MICALL1: variants seen among roughly 807,000 people sequenced by gnomAD.
MICALL1 encodes MICAL-like protein 1.
MICALL1 carries 61 observed loss-of-function variants against 83.7 expected under a neutral mutation model. That is an observed-to-expected ratio of 0.73 (90% CI 0.59 to 0.90). MICALL1 has a LOEUF of 0.90. Ranked by LOEUF, MICALL1 falls within the 40% of genes least tolerant of loss-of-function variation. The pLI is 0.00. For missense variants in MICALL1, 1,066 were observed against 1,152.0 expected, an observed-to-expected ratio of 0.93 and a Z score of 1.08; for synonymous variants, 481 against 473.6, an observed-to-expected ratio of 1.02 and a Z score of -0.20.
At chr22:37,935,452 G>A (rs1214286945) in intron 13 of MICALL1, among the ~76,000 whole-genome samples, 1 of 146,152 alleles carries the variant, frequency 6.8e-6, no homozygotes, top group Admixed American at 6.9e-5. Context: ...GTAGAGACAA[G>A]GTTTCATCGT....
Position 37,937,146 on chromosome 22 carries a change from T to C in MICALL1, c.2375T>C (p.Ile792Thr), listed in dbSNP as rs1340195277. 6 of 1,551,452 alleles carry C rather than the reference T, an allele frequency of 3.9e-6. No individual in the cohort carries two copies. Among genetic ancestry groups the C allele is most frequent in the South Asian group, 1.2e-5 (1 of 84,066 alleles). Reference sequence around the variant, plus strand: ...CTGATGCAGGAGCTTGTGACCCTCATTGAGCAGCGCAACGCTATCATCAAC... The same window carrying C: ...CTGATGCAGGAGCTTGTGACCCTCACTGAGCAGCGCAACGCTATCATCAAC... Reference protein sequence around the residue: ...KVLMQELVTLIEQRNAIINCL... With the variant: ...KVLMQELVTLTEQRNAIINCL... The change falls in exon 14 of 16, where the codon ATT becomes ACT. Residue 792 changes from isoleucine to threonine, a missense_variant. Physicochemically the swap from Ile to Thr is moderately conservative, Grantham distance 89. Coordinates refer to ENST00000215957, the MANE Select transcript of MICALL1 (RefSeq NM_033386.4).
chr22:37,910,309 G>A (rs991435796), intron 1 of MICALL1, among the ~76,000 whole-genome samples: 2 of 152,130 alleles, frequency 1.3e-5, no homozygotes, highest in Non-Finnish European at 2.9e-5. Flanking sequence ...GGGGCACAGA[G>A]TAGCTAGAAT....
intron 9 of MICALL1, among the ~76,000 whole-genome samples, chr22:37,928,210 T>C (rs1226135050): frequency 6.7e-6 from 1 of 148,446 alleles, no homozygotes; most frequent in East Asian, 2.0e-4. Flanking sequence ...TTGGCCTTCT[T>C]TTTTATTTTT....
At chr22:37,914,314 C>A (rs1928533673) in intron 3 of MICALL1, among the ~76,000 whole-genome samples, 1 of 151,600 alleles carries the variant, frequency 6.6e-6, no homozygotes, top group African/African-American at 2.4e-5. Flanking sequence ...GCAACCTCTA[C>A]CTCCCGGGTT....
chr22:37,916,903 G>A lies in MICALL1; in HGVS notation c.338-804G>A, dbSNP rs555577785. Among the ~76,000 whole-genome samples, 4 of 152,222 alleles carry A rather than the reference G, an allele frequency of 2.6e-5. No homozygotes were observed. The South Asian group carries it at 8.3e-4, about 32-fold the overall frequency. ...TTTTGAGACAGAGTCTTGCTCGGTT[G>A]CCCAGGCTGGAGTGCAGTGGCGCGA... On this transcript the variant is annotated intron_variant, in intron 3 of 15. Transcript: ENST00000215957.
intron 9 of MICALL1, among the ~76,000 whole-genome samples, chr22:37,928,819 G>A (rs1032434845): frequency 6.6e-6 from 1 of 152,144 alleles, no homozygotes; most frequent in African/African-American, 2.4e-5. Context: ...ACCCTGGGCA[G>A]AGTTGTATTA....
intron 5 of MICALL1, among the ~76,000 whole-genome samples, chr22:37,921,414 CA>C (rs578106024): frequency 1.3e-5 from 2 of 150,130 alleles, no homozygotes; most frequent in Admixed American, 6.6e-5. Flanking sequence ...CTAAAAATGC[CA>C]AAAAAAAATT....
At chr22:37,937,449 G>A (rs1269208808) in intron 14 of MICALL1, among the ~76,000 whole-genome samples, 3 of 128,664 alleles carry the variant, frequency 2.3e-5, no homozygotes, top group African/African-American at 8.3e-5. Context: ...TTGAGACAGC[G>A]TTTCACTCTT....
intron 7 of MICALL1, 76 bp from the exon 8 acceptor site, chr22:37,925,585 T>G: frequency 2.8e-6 from 3 of 1,063,496 alleles, no homozygotes; most frequent in Non-Finnish European, 2.7e-6. Flanking sequence ...TGAAGTAGAG[T>G]CAAAACTGTC....
rs1182496116 is a variant in MICALL1 at position 37,925,663 on chromosome 22, C to T, written c.1085C>T (p.Thr362Ile). ...PRGTPKPSEG[T>I]PAPRKDPPWI... ...CTGCTGCTTCCCCCCTCCTCCAGGACACCAGCCCCCAGGAAGGACCCCCCA... is the reference window on the plus strand; with the variant it reads ...CTGCTGCTTCCCCCCTCCTCCAGGATACCAGCCCCCAGGAAGGACCCCCCA... The change falls in exon 8 of 16, where the codon ACA becomes ATA. Residue 362 changes from threonine to isoleucine, a missense_variant and splice_region_variant. Physicochemically the swap from Thr to Ile is moderately conservative, Grantham distance 89. Coordinates refer to ENST00000215957, the MANE Select transcript of MICALL1 (RefSeq NM_033386.4). 2 of 1,601,744 alleles carry T rather than the reference C, an allele frequency of 1.2e-6. No individual in the cohort carries two copies. Among genetic ancestry groups the T allele is most frequent in the Non-Finnish European group, 1.7e-6 (2 of 1,173,692 alleles).
chr22:37,936,994 C>T, intron 13 of MICALL1, 86 bp from the exon 14 acceptor site: 1 of 1,129,188 alleles, frequency 8.9e-7, no homozygotes, highest in South Asian at 1.4e-5. Flanking sequence ...GGCTGGCCTG[C>T]CGCACTTAGG....
intron 1 of MICALL1, among the ~76,000 whole-genome samples, chr22:37,910,412 C>A (rs1438213310): frequency 6.6e-6 from 1 of 152,002 alleles, no homozygotes; most frequent in African/African-American, 2.4e-5. Context: ...GAAAAAGCCT[C>A]TGTTGGGGGC....
chr22:37,911,484 T>C (rs1928318814), intron 1 of MICALL1, among the ~76,000 whole-genome samples: 1 of 152,170 alleles, frequency 6.6e-6, no homozygotes, highest in East Asian at 1.9e-4. Context: ...AGTGTCCTCA[T>C]CTATAAAATG....
chr22:37,918,974 T>C (rs1488381542), intron 4 of MICALL1, 62 bp from the exon 5 acceptor site: 4 of 1,467,312 alleles, frequency 2.7e-6, no homozygotes, highest in African/African-American at 1.4e-5. Flanking sequence ...AGGGCAGTGA[T>C]GTGAACAGGA....
At position 37,927,554 on chromosome 22, in the gene MICALL1, T is replaced by G; in HGVS notation, c.1609T>G (p.Ser537Ala). ...LLEPPAVPKS[S>A]SEPAVHAPGT... ...GGAGCCGCCAGCTGTGCCCAAGAGC[T>G]CCTCAGAGCCTGCTGTCCATGCCCC... Residue 537 changes from serine (S) to alanine (A), a missense_variant, in exon 9 of 16, where the codon TCC becomes GCC. Transcript: ENST00000215957. 6.2e-7 allele frequency: 1 copy of G among 1,613,642 alleles called. No homozygotes were observed. The highest frequency in any genetic ancestry group is 8.5e-7 in the Non-Finnish European group (1 of 1,179,602).
Position 37,931,937 on chromosome 22 carries a change from C to G in MICALL1, c.2016+4C>G. On this transcript the variant is annotated splice_donor_region_variant and intron_variant, in intron 10 of 15. Transcript: ENST00000215957. ...CTTTCCACTCATCAAACGCAAGGTA[C>G]CAGCTGGGAGCCCCCCGAGACCAGG... The G allele has an allele frequency of 6.2e-7, 1 of 1,613,602 alleles. No individual in the cohort carries two copies. The highest frequency in any genetic ancestry group is 8.5e-7 in the Non-Finnish European group (1 of 1,179,856).
rs117014149 is a variant in MICALL1 at position 37,913,342 on chromosome 22, G to A, written c.337+850G>A. ...TGAATGTAATCACTGCTGAAGTCCC[G>A]TGGGGGAGATAGACACCAAACACAC... On this transcript the variant is annotated intron_variant, in intron 3 of 15. Transcript: ENST00000215957. Among the ~76,000 whole-genome samples the A allele has an allele frequency of 4.2e-3, 639 of 152,306 alleles. 22 individuals carry two copies. The East Asian group carries it at 0.082, about 20-fold the overall frequency.
In MICALL1 at chr22:37,922,167, C is replaced by T. The variant is rs765764189; in HGVS notation, c.765C>T (p.Gly255=). 171 of 1,612,898 alleles carry T rather than the reference C, an allele frequency of 1.1e-4. No individual in the cohort carries two copies. The East Asian group carries it at 1.4e-3, about 13-fold the overall frequency. The change falls in exon 6 of 16, where the codon GGC becomes GGT. Residue 255 remains glycine, a synonymous_variant. Coordinates refer to ENST00000215957, the MANE Select transcript of MICALL1 (RefSeq NM_033386.4). ...LAEDAKDVPG[G]GPSSSAPAGA... ...AAGATGCCAAGGATGTTCCAGGAGGCGGCCCCAGCTCCAGTGCTCCTGCAG... is the reference window on the plus strand; with the variant it reads ...AAGATGCCAAGGATGTTCCAGGAGGTGGCCCCAGCTCCAGTGCTCCTGCAG...
chr22:37,932,481 T>C lies in MICALL1; in HGVS notation c.2017-72T>C. 6.3e-7 allele frequency: 1 copy of C among 1,587,720 alleles called. No individual in the cohort carries two copies. Among genetic ancestry groups the C allele is most frequent in the South Asian group, 1.1e-5 (1 of 87,516 alleles). Reference sequence around the variant, plus strand: ...CCCTGGAGCCACCAGTGGCCAATGCTGGCCAGAGAAGAGGGCAAGGCTCCT... The same window carrying C: ...CCCTGGAGCCACCAGTGGCCAATGCCGGCCAGAGAAGAGGGCAAGGCTCCT... On this transcript the variant is annotated intron_variant, in intron 10 of 15. Coordinates refer to ENST00000215957, the MANE Select transcript of MICALL1 (RefSeq NM_033386.4). This position sits in a 1 kb window ranked among gnomAD's most constrained non-coding sequence, Gnocchi z 4.4.
Sources: allele counts gnomAD v4.1 joint callset (sites outside exome capture counted in the v4.1 genomes callset), GRCh38; gene constraint gnomAD v4.1.1; non-coding constraint Gnocchi (gnomAD v3.1); transcripts MANE v1.5; gene names NCBI Gene and HGNC (gene_info 2026-07-23, HGNC 2026-07-21).